The following DNAJC11 variants were observed in gnomAD, a reference collection of about 807,000 sequenced individuals.
DNAJC11 encodes DnaJ heat shock protein family (Hsp40) member C11, also known as dnaJ homolog subfamily C member 11.
Under a neutral mutation model 78.6 loss-of-function variants are expected in DNAJC11, and 15 were observed. That is an observed-to-expected ratio of 0.19 (90% CI 0.13 to 0.29). The LOEUF is 0.29. Among genes scored for constraint, DNAJC11 ranks in the 10% least tolerant of loss-of-function variants. The probability of loss-of-function intolerance (pLI) is 1.00; values close to 1 mark genes in which losing one functional copy is unlikely to be tolerated. For synonymous variants in DNAJC11, 292 were observed against 272.1 expected (o/e 1.07, Z -0.72); for missense variants, 547 against 709.6 (o/e 0.77, Z 2.60).
intron 4 of DNAJC11, 103 bp downstream of exon 4, chr1:6,667,606 T>C (rs1038804633): frequency 6.2e-6 from 6 of 967,194 alleles, no homozygotes; most frequent in Admixed American, 2.3e-5. Context: ...AGCTTGTATG[T>C]TTTTACTTTA....
Position 6,637,477 on chromosome 1 carries a change from T to G in DNAJC11, c.1351A>C (p.Arg451=). 1 of 1,614,198 alleles carries G rather than the reference T, an allele frequency of 6.2e-7. No homozygotes were observed. The highest frequency in any genetic ancestry group is 8.5e-7 in the Non-Finnish European group (1 of 1,180,036). Reference sequence around the variant, plus strand: ...CTGGACTCTTCTGCCTCAATTATCCTTCGGACAGATTCCTGCATCAGCCGG... The same window carrying G: ...CTGGACTCTTCTGCCTCAATTATCCGTCGGACAGATTCCTGCATCAGCCGG... The part of the protein sequence containing the change: ...AVRLMQESVR[R]IIEAEESRMG... Residue 451 remains arginine, a synonymous_variant, in exon 13 of 16, where the codon AGG becomes CGG. Coordinates refer to ENST00000377577, the MANE Select transcript of DNAJC11 (RefSeq NM_018198.4).
At chr1:6,639,226 C>T (rs1641834542) in intron 11 of DNAJC11, among the ~76,000 whole-genome samples, 1 of 152,044 alleles carries the variant, frequency 6.6e-6, no homozygotes, top group Non-Finnish European at 1.5e-5. Flanking sequence ...TAACGCAGGC[C>T]CCTCACATAC....
At chr1:6,690,974 T>C (rs1642734980) in intron 1 of DNAJC11, among the ~76,000 whole-genome samples, 1 of 151,962 alleles carries the variant, frequency 6.6e-6, no homozygotes, top group Non-Finnish European at 1.5e-5. Context: ...AGCAGAGAAA[T>C]AATCAAATCA....
rs41278034 is a variant in DNAJC11, at chr1:6,638,330, C to T, written c.1288G>A (p.Asp430Asn). Residue 430 changes from aspartate to asparagine, a missense_variant, in exon 12 of 16, where the codon GAT becomes AAT. Coordinates refer to ENST00000377577, the MANE Select transcript of DNAJC11 (RefSeq NM_018198.4). ...LEKQRESAAT[D>N]VLQKKQEAES... ...GCCTCTTGCTTCTTCTGCAGCACAT[C>T]GGTGGCGGCGCTTTCCCTCTGCTTC... 0.015 allele frequency: 24,441 copies of T among 1,613,508 alleles called. 208 individuals carry two copies. The highest frequency in any genetic ancestry group is 0.018 in the Non-Finnish European group (20,823 of 1,179,642).
rs201167567 is a variant in DNAJC11 at position 6,679,865 on chromosome 1, G to C, written c.202+1043C>G. Among the ~76,000 whole-genome samples, 15 of 152,218 alleles carry C rather than the reference G, an allele frequency of 9.9e-5. No individual in the cohort carries two copies. The East Asian group carries it at 2.9e-3, about 29-fold the overall frequency. On this transcript the variant is annotated intron_variant, in intron 2 of 15. Coordinates refer to ENST00000377577, the MANE Select transcript of DNAJC11 (RefSeq NM_018198.4). ...AATTAATGCACCCATTTAGATAACAGAATACAATAAAAAGAACAGGCTACT... is the reference window on the plus strand; with the variant it reads ...AATTAATGCACCCATTTAGATAACACAATACAATAAAAAGAACAGGCTACT...
At chr1:6,638,591 C>G (rs1240473161) in intron 11 of DNAJC11, among the ~76,000 whole-genome samples, 1 of 152,248 alleles carries the variant, frequency 6.6e-6, no homozygotes, top group Non-Finnish European at 1.5e-5. Context: ...ACCTCCTCAC[C>G]AAGCTGACGG....
chr1:6,636,094 A>C, intron 15 of DNAJC11, 23 bp downstream of exon 15: 1 of 1,605,450 alleles, frequency 6.2e-7, no homozygotes, highest in Non-Finnish European at 8.5e-7. Context: ...TTAGCTGGTG[A>C]CTGCGAAGGG....
At chr1:6,688,433 G>A (rs937216719) in intron 1 of DNAJC11, among the ~76,000 whole-genome samples, 1 of 152,134 alleles carries the variant, frequency 6.6e-6, no homozygotes, top group East Asian at 1.9e-4. Flanking sequence ...CCTTCAATCA[G>A]TAAGTTTACT....
intron 4 of DNAJC11, among the ~76,000 whole-genome samples, chr1:6,663,857 C>T (rs976430330): frequency 6.6e-6 from 1 of 152,180 alleles, no homozygotes; most frequent in Admixed American, 6.5e-5. Flanking sequence ...ACCCAGAAAG[C>T]GGGCCTCCCA....
intron 4 of DNAJC11, among the ~76,000 whole-genome samples, chr1:6,664,068 G>A (rs998644042): frequency 6.6e-6 from 1 of 152,150 alleles, no homozygotes; most frequent in Non-Finnish European, 1.5e-5. Flanking sequence ...GGAGCCAGCA[G>A]GCAAAGTGGA....
At position 6,680,254 on chromosome 1, in the gene DNAJC11, G is replaced by C. The variant is rs1044782739; in HGVS notation, c.202+654C>G. 7.9e-5 allele frequency among the ~76,000 whole-genome samples: 12 copies of C among 152,140 alleles called. No homozygotes were observed. The East Asian group carries it at 2.3e-3, about 29-fold the overall frequency. ...TATTTACCATTTTAACCATTTTAAAGTATACAATTCAATAGCATGAAGTAC... is the reference window on the plus strand; with the variant it reads ...TATTTACCATTTTAACCATTTTAAACTATACAATTCAATAGCATGAAGTAC... On this transcript the variant is annotated intron_variant, in intron 2 of 15. Coordinates refer to ENST00000377577, the MANE Select transcript of DNAJC11 (RefSeq NM_018198.4). The surrounding 1 kb of genome is among the most constrained non-coding windows in gnomAD (Gnocchi z 4.0).
intron 10 of DNAJC11, among the ~76,000 whole-genome samples, chr1:6,644,017 C>T (rs969461595): frequency 1.3e-5 from 2 of 151,838 alleles, no homozygotes; most frequent in Non-Finnish European, 2.9e-5. Flanking sequence ...ACTACAGGCA[C>T]CCGCCACCAC....
intron 1 of DNAJC11, 88 bp downstream of exon 1, chr1:6,701,641 G>GT (rs1642930997): frequency 3.6e-5 from 49 of 1,359,520 alleles, no homozygotes; most frequent in Admixed American, 5.3e-5. Context: ...GCCTCCCGTG[G>GT]CGGGGGTGGG....
rs747974583 is a variant in DNAJC11 at position 6,637,457 on chromosome 1, C to G, written c.1371G>C (p.Glu457Asp). 1 of 1,614,248 alleles carries G rather than the reference C, an allele frequency of 6.2e-7. No individual in the cohort carries two copies. The highest frequency in any genetic ancestry group is 8.5e-7 in the Non-Finnish European group (1 of 1,180,048). The change falls in exon 13 of 16, where the codon GAG (glutamate) becomes GAC (aspartate). Residue 457 changes from glutamate (E) to aspartate (D), a missense_variant. Physicochemically the swap from Glu to Asp is conservative, Grantham distance 45. Transcript: ENST00000377577. ...GACACATGTTCTCACCCATTCTGGA[C>G]TCTTCTGCCTCAATTATCCTTCGGA... ...ESVRRIIEAE[E>D]SRMGLIIVNA...
At chr1:6,654,340 C>A in intron 4 of DNAJC11, 1 of 218,110 alleles carries the variant, frequency 4.6e-6, no homozygotes. Context: ...GGAGTAAGAG[C>A]TAGACAGTTT....
At chr1:6,662,442 C>T (rs1160098895) in intron 4 of DNAJC11, among the ~76,000 whole-genome samples, 1 of 152,160 alleles carries the variant, frequency 6.6e-6, no homozygotes, top group Non-Finnish European at 1.5e-5. Context: ...GATCCACCCA[C>T]CTCAGCCTCC....
intron 3 of DNAJC11, among the ~76,000 whole-genome samples, chr1:6,674,454 G>A (rs545372240): frequency 2.2e-4 from 34 of 152,176 alleles, no homozygotes; most frequent in African/African-American, 6.7e-4. Flanking sequence ...CCAGCTACTC[G>A]GGAGGCTGAG....
rs1385520372 is a variant in DNAJC11, at chr1:6,654,031, G to A, written c.387C>T (p.Ile129=). Residue 129 remains isoleucine (I), a synonymous_variant, in exon 5 of 16, where the codon ATC becomes ATT. Coordinates refer to ENST00000377577, the MANE Select transcript of DNAJC11 (RefSeq NM_018198.4). ...LQQRTNPKGT[I]SVGVDATDLF... ...GGTCGGTGGCATCTACTCCAACGCT[G>A]ATCGTTCCCTGGGGCAGAAAAACAA... 1 of 1,612,590 alleles carries A rather than the reference G, an allele frequency of 6.2e-7. No homozygotes were observed. Among genetic ancestry groups the A allele is most frequent in the South Asian group, 1.1e-5 (1 of 91,004 alleles).
chr1:6,643,907 G>A (rs936487535), intron 10 of DNAJC11, among the ~76,000 whole-genome samples: 5 of 152,012 alleles, frequency 3.3e-5, no homozygotes, highest in African/African-American at 1.2e-4. Context: ...GTCTCACTCT[G>A]TCACCCGGGC....
Sources: gnomAD v4.1 joint callset for allele counts (sites outside exome capture counted in the v4.1 genomes callset) on GRCh38, gnomAD v4.1.1 for gene constraint, Gnocchi (gnomAD v3.1) non-coding constraint, MANE v1.5 for transcripts, NCBI Gene and HGNC (gene_info 2026-07-23, HGNC 2026-07-21) for gene names.